Variants in KIAA1217 observed in about 807,000 individuals in gnomAD.
KIAA1217 encodes the protein sickle tail protein homolog.
KIAA1217 carries 88 observed loss-of-function variants against 163.9 expected under a neutral mutation model. The observed-to-expected ratio is 0.54, with a 90% CI of 0.45 to 0.64. The LOEUF is 0.64. Ranked by LOEUF, KIAA1217 falls within the 30% of genes least tolerant of loss-of-function variation. KIAA1217 has a pLI of 0.00. For synonymous variants in KIAA1217, 903 were observed against 923.1 expected (o/e 0.98, Z 0.39); for missense variants, 2,372 against 2,475.0 (o/e 0.96, Z 0.88).
intron 5 of KIAA1217, among the ~76,000 whole-genome samples, chr10:24,447,654 CT>C (rs1362105154): frequency 1.3e-5 from 2 of 152,158 alleles, no homozygotes; most frequent in Non-Finnish European, 2.9e-5. Context: ...TACTTCAGCC[CT>C]TTTCTATCAC....
At chr10:24,524,810 TA>T in intron 13 of KIAA1217, 46 bp downstream of exon 13, 1 of 1,448,162 alleles carries the variant, frequency 6.9e-7, no homozygotes, top group South Asian at 1.3e-5. Flanking sequence ...AGGAGTCTGA[TA>T]CATGGACCTT....
At chr10:24,093,161 T>TTTTATTTA (rs930777478) in intron 2 of KIAA1217, among the ~76,000 whole-genome samples, 1 of 151,024 alleles carries the variant, frequency 6.6e-6, no homozygotes, top group Admixed American at 6.6e-5. Flanking sequence ...GCCCAGTTAT[T>TTTTATTTA]TTTATTTATT....
chr10:23,976,583 C>T (rs1845552024), intron 1 of KIAA1217, among the ~76,000 whole-genome samples: 1 of 152,108 alleles, frequency 6.6e-6, no homozygotes. Flanking sequence ...TTAATATGTA[C>T]CTCCTATATT....
At chr10:23,700,979 T>A (rs913635968) in intron 1 of KIAA1217, among the ~76,000 whole-genome samples, 2 of 152,166 alleles carry the variant, frequency 1.3e-5, no homozygotes, top group African/African-American at 4.8e-5. Context: ...TCCTGCCACA[T>A]AGAAGGTAGT....
At chr10:23,952,098 C>A (rs746497028) in intron 1 of KIAA1217, among the ~76,000 whole-genome samples, 6 of 152,158 alleles carry the variant, frequency 3.9e-5, no homozygotes, top group Admixed American at 2.0e-4. Context: ...CATTGAGAAT[C>A]ATTACTTAAC....
chr10:24,360,842 C>T (rs559315713), intron 2 of KIAA1217, among the ~76,000 whole-genome samples: 69 of 151,178 alleles, frequency 4.6e-4, no homozygotes, highest in Non-Finnish European at 8.5e-4. Flanking sequence ...CAAATCAAAT[C>T]TCCTGTTTTT....
intron 1 of KIAA1217, among the ~76,000 whole-genome samples, chr10:23,737,278 C>G (rs6482333): frequency 0.22 from 33,175 of 151,968 alleles, 3,858 homozygotes; most frequent in African/African-American, 0.28. Flanking sequence ...AGCTCACTGC[C>G]ACCTCTGCCT....
chr10:24,083,234 A>C (rs905045200), intron 2 of KIAA1217, among the ~76,000 whole-genome samples: 6 of 152,024 alleles, frequency 3.9e-5, no homozygotes, highest in Non-Finnish European at 7.4e-5. Flanking sequence ...TCTCAGGGAC[A>C]CTCTGTTGCT....
rs1427765434 is a variant in KIAA1217 at position 23,749,993 on chromosome 10, C to CTCCTT, written c.-321+54763_-321+54767dup. 4.6e-5 allele frequency among the ~76,000 whole-genome samples: 7 copies of CTCCTT among 152,168 alleles called. No individual in the cohort carries two copies. In the East Asian group the frequency reaches 1.4e-3, roughly 29 times the overall value. ...TCCGTTTCCTTTCTCTTCTTCTCTT[C>CTCCTT]TCCTTTCCATTCCTTTCTTTTCTTT... On this transcript the variant is annotated intron_variant, in intron 1 of 18. Coordinates refer to the KIAA1217 transcript ENST00000376462.
Position 24,214,535 on chromosome 10 carries a change from A to G in KIAA1217, c.71-5091A>G, listed in dbSNP as rs148331729. On this transcript the variant is annotated intron_variant, in intron 1 of 20. Transcript: ENST00000376454. ...AAGGTGGCCCACATGGCTTCTGCCC[A>G]CAATACATTGACTGGAATTAGTACA... Among the ~76,000 whole-genome samples, 138 of 152,326 alleles carry G rather than the reference A, an allele frequency of 9.1e-4. No homozygotes were observed. The East Asian group carries it at 9.5e-3, about 10-fold the overall frequency.
rs1039267784 is a variant in KIAA1217 at position 24,168,013 on chromosome 10, C to T, written c.-170-51613C>T. ...GAAAACATCTCTCATGAGGCCCCAC[C>T]ACCCAACAGTTTTGCACTGGGGGTT... On this transcript the variant is annotated intron_variant, in intron 2 of 18. Coordinates refer to the KIAA1217 transcript ENST00000376462. Among the ~76,000 whole-genome samples the T allele has an allele frequency of 3.3e-5, 5 of 152,140 alleles. No homozygotes were observed. In the East Asian group the frequency reaches 9.6e-4, roughly 29 times the overall value.
At chr10:24,537,742 AAAG>A (rs936297428) in intron 17 of KIAA1217, among the ~76,000 whole-genome samples, 6 of 152,214 alleles carry the variant, frequency 3.9e-5, no homozygotes, top group African/African-American at 1.4e-4. Flanking sequence ...ATCCATTTAT[AAAG>A]TGTACCTTCC....
Position 24,401,240 on chromosome 10 carries a change from G to A in KIAA1217, c.553+20173G>A, listed in dbSNP as rs1166954611. ...CAAAATTCTTTATTTGAGAGTGAGGGCAAAAAGAGCCTACTTTAAGATAAA... is the reference window on the plus strand; with the variant it reads ...CAAAATTCTTTATTTGAGAGTGAGGACAAAAAGAGCCTACTTTAAGATAAA... On this transcript the variant is annotated intron_variant, in intron 3 of 20. Coordinates refer to ENST00000376454, the MANE Select transcript of KIAA1217 (RefSeq NM_019590.5). Among the ~76,000 whole-genome samples the A allele has an allele frequency of 2.6e-5, 4 of 151,300 alleles. No homozygotes were observed. The East Asian group carries it at 7.8e-4, about 29-fold the overall frequency.
At chr10:23,974,124 A>T (rs1220839890) in intron 1 of KIAA1217, among the ~76,000 whole-genome samples, 2 of 152,180 alleles carry the variant, frequency 1.3e-5, no homozygotes, top group Admixed American at 6.5e-5. Flanking sequence ...GCTGTAAGGC[A>T]CCTCATTACT....
chr10:24,479,634 T>C (rs1289544138), intron 6 of KIAA1217, among the ~76,000 whole-genome samples: 1 of 152,166 alleles, frequency 6.6e-6, no homozygotes, highest in Non-Finnish European at 1.5e-5. Flanking sequence ...AAAAAATACC[T>C]GAGACTGGGT....
At chr10:24,031,620 C>T (rs767679700) in intron 2 of KIAA1217, among the ~76,000 whole-genome samples, 37 of 152,086 alleles carry the variant, frequency 2.4e-4, no homozygotes, top group Non-Finnish European at 4.0e-4. Context: ...TTTTTATGAG[C>T]TTATTGGCCT....
chr10:24,480,988 A>G lies in KIAA1217; in HGVS notation c.1679+6928A>G, dbSNP rs1036159004. 6.6e-5 allele frequency among the ~76,000 whole-genome samples: 10 copies of G among 152,198 alleles called. 1 individual carries two copies. The highest frequency in any genetic ancestry group is 2.4e-4 in the African/African-American group (10 of 41,464). On this transcript the variant is annotated intron_variant, in intron 6 of 20. Transcript: ENST00000376454. Reference sequence around the variant, plus strand: ...TTTAAAACTGCATCTGAGCTATAAGACTGAAGATAAGACAGCTAAGCCAGG... The same window carrying G: ...TTTAAAACTGCATCTGAGCTATAAGGCTGAAGATAAGACAGCTAAGCCAGG...
chr10:24,135,233 G>C (rs763654564), intron 2 of KIAA1217, among the ~76,000 whole-genome samples: 1 of 152,194 alleles, frequency 6.6e-6, no homozygotes, highest in Non-Finnish European at 1.5e-5. Flanking sequence ...TGCCACACCA[G>C]TGATGGTCCC....
chr10:24,037,367 G>A (rs1463277859), intron 2 of KIAA1217, among the ~76,000 whole-genome samples: 1 of 152,188 alleles, frequency 6.6e-6, no homozygotes, highest in Admixed American at 6.5e-5. Flanking sequence ...GCAGGTGCCT[G>A]TAATCCCAGC....
Sources: gnomAD v4.1 joint callset for allele counts (sites outside exome capture counted in the v4.1 genomes callset) on GRCh38, gnomAD v4.1.1 for gene constraint, MANE v1.5 for transcripts, NCBI Gene and HGNC (gene_info 2026-07-23, HGNC 2026-07-21) for gene names.